The following NBEA variants were observed in gnomAD, a reference collection of about 807,000 sequenced individuals.
NBEA encodes neurobeachin.
In NBEA, 44 loss-of-function variants were observed where a neutral mutation model predicts 343.4. The ratio of observed to expected loss-of-function variants is 0.13; its 90% CI spans 0.10 to 0.16. NBEA has a LOEUF of 0.16. Among genes scored for constraint, NBEA ranks in the 10% least tolerant of loss-of-function variants. NBEA has a pLI of 1.00. For synonymous variants in NBEA, 1,175 were observed against 1,238.7 expected (o/e 0.95, Z 1.08); for missense variants, 2,555 against 3,631.3 (o/e 0.70, Z 7.62).
chr13:35,497,629 T>A (rs1374772486), intron 41 of NBEA, among the ~76,000 whole-genome samples: 1 of 152,066 alleles, frequency 6.6e-6, no homozygotes, highest in African/African-American at 2.4e-5. Flanking sequence ...TTCTCTGTTT[T>A]GTAACACTTG....
intron 38 of NBEA, among the ~76,000 whole-genome samples, chr13:35,422,498 A>G (rs900571417): frequency 4.6e-5 from 7 of 152,080 alleles, no homozygotes; most frequent in African/African-American, 1.7e-4. Flanking sequence ...TTATGGCTGC[A>G]TAGTATTCCA....
intron 36 of NBEA, among the ~76,000 whole-genome samples, chr13:35,330,382 C>A (rs1455513866): frequency 6.6e-6 from 1 of 151,966 alleles, no homozygotes; most frequent in Non-Finnish European, 1.5e-5. Flanking sequence ...AGGCTCTGGA[C>A]AATCGTGAGG....
chr13:35,167,321 C>T (rs970538000), intron 24 of NBEA, among the ~76,000 whole-genome samples: 3 of 151,814 alleles, frequency 2.0e-5, no homozygotes, highest in South Asian at 2.1e-4. Context: ...TAGATGAGTA[C>T]AGTAATTTAT....
rs568361800 is a variant in NBEA at position 34,948,146 on chromosome 13, G to A, written c.294+5032G>A. On this transcript the variant is annotated intron_variant, in intron 1 of 58. Coordinates refer to ENST00000379939, the MANE Select transcript of NBEA (RefSeq NM_001385012.1). ...CATCTCTTGTTTTTGTGTGTCTGGC[G>A]TACATGTCACCTCTTTGTAGTGGTA... 9.9e-5 allele frequency among the ~76,000 whole-genome samples: 15 copies of A among 152,256 alleles called. No homozygotes were observed. The East Asian group carries it at 2.1e-3, about 22-fold the overall frequency.
At chr13:35,363,200 A>G (rs181627532) in intron 38 of NBEA, among the ~76,000 whole-genome samples, 1 of 151,594 alleles carries the variant, frequency 6.6e-6, no homozygotes, top group South Asian at 2.1e-4. Flanking sequence ...ACACATACAC[A>G]CTCCAGGATT....
chr13:35,089,767 G>A (rs1452932142), intron 10 of NBEA, among the ~76,000 whole-genome samples: 1 of 149,206 alleles, frequency 6.7e-6, no homozygotes, highest in Non-Finnish European at 1.5e-5. Flanking sequence ...GTAGGGACAT[G>A]GATGAAATTG....
At chr13:35,309,095 G>C (rs1233232010) in intron 35 of NBEA, among the ~76,000 whole-genome samples, 1 of 151,964 alleles carries the variant, frequency 6.6e-6, no homozygotes, top group Non-Finnish European at 1.5e-5. Flanking sequence ...ATTTAAATAT[G>C]TTAATGTTTC....
chr13:35,398,519 A>T (rs1277468287), intron 38 of NBEA, among the ~76,000 whole-genome samples: 2 of 152,158 alleles, frequency 1.3e-5, no homozygotes, highest in African/African-American at 4.8e-5. Flanking sequence ...TGGGCTACAG[A>T]ATGGCTGTTG....
intron 45 of NBEA, among the ~76,000 whole-genome samples, chr13:35,574,730 T>G (rs1479694216): frequency 2.0e-5 from 3 of 151,526 alleles, no homozygotes; most frequent in African/African-American, 7.3e-5. Flanking sequence ...TACAAAAAAT[T>G]AAATTAAAAA....
Position 35,159,135 on chromosome 13 carries a change from A to G in NBEA, c.2964A>G (p.Ser988=). 1.2e-6 allele frequency: 2 copies of G among 1,613,652 alleles called. No individual in the cohort carries two copies. Among genetic ancestry groups the G allele is most frequent in the Non-Finnish European group, 1.7e-6 (2 of 1,179,658 alleles). The change falls in exon 22 of 59, where the codon TCA becomes TCG. Residue 988 remains serine (S), a synonymous_variant. Coordinates refer to ENST00000379939, the MANE Select transcript of NBEA (RefSeq NM_001385012.1). ...ATGTGAGCACCATCTCTGGTCTTTC[A>G]TCACAGACAACAGGAGCAAAAGGTG... The part of the protein sequence containing the change: ...KGNVSTISGL[S]SQTTGAKGGM...
intron 38 of NBEA, among the ~76,000 whole-genome samples, chr13:35,420,585 G>T (rs958022754): frequency 1.3e-5 from 2 of 151,902 alleles, no homozygotes; most frequent in Non-Finnish European, 1.5e-5. Flanking sequence ...ATGTATAATT[G>T]GAGTTAATTC....
chr13:35,161,707 A>G (rs370488872), intron 22 of NBEA, 43 bp from the exon 23 acceptor site: 45 of 1,477,092 alleles, frequency 3.0e-5, no homozygotes, highest in Non-Finnish European at 3.9e-5. Flanking sequence ...AAAATGAGGC[A>G]TTTCTTTTGT....
rs975892152 is a variant in NBEA at position 35,586,994 on chromosome 13, C to T, written c.7176+2956C>T. 5.1e-5 allele frequency among the ~76,000 whole-genome samples: 6 copies of T among 117,716 alleles called. No homozygotes were observed. In the East Asian group the frequency reaches 1.4e-3, roughly 27 times the overall value. The allele number at this position is 117,716 out of a possible 152,430, so 77.2% of individuals were successfully genotyped here. The stretch of plus-strand genomic sequence containing the variant: ...AAAATATGCTCTTAATTGATTTGAA[C>T]TCTCAAATAGTCAGACAAGAATACA... On this transcript the variant is annotated intron_variant, in intron 46 of 58. Transcript: ENST00000379939.
intron 6 of NBEA, among the ~76,000 whole-genome samples, chr13:35,052,676 A>G (rs1348702593): frequency 1.3e-5 from 2 of 151,364 alleles, no homozygotes; most frequent in African/African-American, 2.4e-5. Context: ...TTTTTTAACC[A>G]TTGAAAAACT....
chr13:35,098,298 G>T lies in NBEA; in HGVS notation c.1573G>T (p.Ala525Ser), dbSNP rs746174686. The T allele has an allele frequency of 3.2e-5, 50 of 1,569,244 alleles. No individual in the cohort carries two copies. In the East Asian group the frequency reaches 1.1e-3, roughly 35 times the overall value. ...NDSQVETTVC[A>S]TLLAFLVELL... ...ATGATGTCTGTACTTTACATGCAGT[G>T]CTACTCTGTTGGCATTCCTGGTTGA... Residue 525 changes from alanine (A) to serine (S), a missense_variant and splice_region_variant, in exon 11 of 59, where the codon GCT becomes TCT. This residue lies in a region of NBEA where 360 missense variants were observed against 519.1 expected (regional missense o/e 0.69). Coordinates refer to ENST00000379939, the MANE Select transcript of NBEA (RefSeq NM_001385012.1).
At chr13:35,455,095 A>C (rs1456383603) in intron 40 of NBEA, among the ~76,000 whole-genome samples, 1 of 151,974 alleles carries the variant, frequency 6.6e-6, no homozygotes, top group Admixed American at 6.6e-5. Context: ...AATATATAAA[A>C]GTAATTAGAG....
At chr13:35,224,802 G>A (rs761434437) in intron 33 of NBEA, among the ~76,000 whole-genome samples, 10 of 151,992 alleles carry the variant, frequency 6.6e-5, no homozygotes, top group Non-Finnish European at 1.2e-4. Context: ...TCATGTGTAA[G>A]GTAATTTTTA....
At chr13:35,059,092 TAAC>T (rs2063370165) in intron 8 of NBEA, among the ~76,000 whole-genome samples, 1 of 152,052 alleles carries the variant, frequency 6.6e-6, no homozygotes, top group East Asian at 1.9e-4. Flanking sequence ...TGCCTTTTGT[TAAC>T]AATTCTGAAA....
chr13:35,072,958 T>C (rs900505784), intron 10 of NBEA, among the ~76,000 whole-genome samples: 2 of 152,216 alleles, frequency 1.3e-5, no homozygotes, highest in African/African-American at 4.8e-5. Context: ...GATTTAGTTA[T>C]GTACTATTTT....
Sources: gnomAD v4.1 joint callset for allele counts (sites outside exome capture counted in the v4.1 genomes callset) on GRCh38, gnomAD v4.1.1 for gene constraint, gnomAD v4.1.1 regional missense constraint, MANE v1.5 for transcripts, NCBI Gene and HGNC (gene_info 2026-07-23, HGNC 2026-07-21) for gene names.